The following ITFG1 variants were observed in gnomAD, a reference collection of about 807,000 sequenced individuals.
The protein encoded by ITFG1 is T-cell immunomodulatory protein.
In ITFG1, 34 loss-of-function variants were observed where a neutral mutation model predicts 81.8. That is an observed-to-expected ratio of 0.42 (90% confidence interval 0.32 to 0.55). The LOEUF is 0.55. Among genes scored for constraint, ITFG1 ranks in the 20% least tolerant of loss-of-function variants. ITFG1 has a pLI of 0.17. For synonymous variants in ITFG1, 285 were observed against 270.6 expected, an observed-to-expected ratio of 1.05 and a Z score of -0.52; for missense variants, 672 against 755.4, an observed-to-expected ratio of 0.89 and a Z score of 1.29.
upstream of ITFG1, chr16:47,461,114 C>G (rs371750457): frequency 1.4e-6 from 2 of 1,404,212 alleles, no homozygotes. Flanking sequence ...CACCGCGTTA[C>G]CGGCCGAGAG....
At position 47,201,884 on chromosome 16, in the gene ITFG1, T is replaced by C. The variant is rs192329283; in HGVS notation, c.1453+16984A>G. 2.5e-4 allele frequency among the ~76,000 whole-genome samples: 38 copies of C among 152,324 alleles called. No individual in the cohort carries two copies. In the East Asian group the frequency reaches 7.3e-3, roughly 29 times the overall value. ...GGTCTGGCACAATACCATATATAAA[T>C]AGATTTTCCTATTAAATTTATCATC... On this transcript the variant is annotated intron_variant, in intron 14 of 17. Coordinates refer to ENST00000320640, the MANE Select transcript of ITFG1 (RefSeq NM_030790.5).
At chr16:47,403,390 A>G (rs1371033147) in intron 6 of ITFG1, among the ~76,000 whole-genome samples, 1 of 152,142 alleles carries the variant, frequency 6.6e-6, no homozygotes, top group Non-Finnish European at 1.5e-5. Context: ...GGACTCTTCA[A>G]AAAGTCATTT....
At chr16:47,335,796 C>A (rs912111247) in intron 8 of ITFG1, among the ~76,000 whole-genome samples, 1 of 152,066 alleles carries the variant, frequency 6.6e-6, no homozygotes, top group African/African-American at 2.4e-5. Context: ...ATATGGATAG[C>A]CACTTTGGAA....
At chr16:47,366,942 A>G (rs1200949573) in intron 7 of ITFG1, among the ~76,000 whole-genome samples, 1 of 152,126 alleles carries the variant, frequency 6.6e-6, no homozygotes, top group Non-Finnish European at 1.5e-5. Flanking sequence ...TGCAGTGGAT[A>G]CTACCTGGCT....
Position 47,158,917 on chromosome 16 carries a change from C to G in ITFG1, c.1735G>C (p.Val579Leu). Residue 579 changes from valine (V) to leucine (L), a missense_variant, in exon 17 of 18, where the codon GTT (valine) becomes CTT (leucine). Physicochemically the swap from Val to Leu is conservative, Grantham distance 32. This residue lies in a region of ITFG1 where 65 missense variants were observed against 103.3 expected (regional missense o/e 0.63). Transcript: ENST00000320640. ...LTAIALIGVC[V>L]FILAIIGILH... ...ATGCCAATTATTGCCAAGATGAAAACACAGACACCGATGAGAGCTATAGCA... is the reference window on the plus strand; with the variant it reads ...ATGCCAATTATTGCCAAGATGAAAAGACAGACACCGATGAGAGCTATAGCA... 1.2e-6 allele frequency: 2 copies of G among 1,605,074 alleles called. No homozygotes were observed. Among genetic ancestry groups the G allele is most frequent in the Non-Finnish European group, 1.7e-6 (2 of 1,175,316 alleles).
intron 8 of ITFG1, among the ~76,000 whole-genome samples, chr16:47,341,262 A>C (rs1052425014): frequency 6.6e-6 from 1 of 150,992 alleles, no homozygotes; most frequent in African/African-American, 2.4e-5. Flanking sequence ...GTAAAAAATA[A>C]ATAAATAAAT....
chr16:47,351,826 A>C (rs1039867590), intron 8 of ITFG1, among the ~76,000 whole-genome samples: 2 of 152,242 alleles, frequency 1.3e-5, no homozygotes, highest in Non-Finnish European at 2.9e-5. Flanking sequence ...ACAAGGCTAC[A>C]GTAACCACAA....
chr16:47,335,787 T>A (rs1228187094), intron 8 of ITFG1, among the ~76,000 whole-genome samples: 2 of 152,176 alleles, frequency 1.3e-5, no homozygotes, highest in East Asian at 1.9e-4. Context: ...GTAGTAACAA[T>A]ATGGATAGCC....
rs180868167 is a variant in ITFG1, at chr16:47,374,514, C to T, written c.720+1362G>A. On this transcript the variant is annotated intron_variant, in intron 7 of 17. Transcript: ENST00000320640. ...TACTTATTTATAATGAGGCTTCCCC[C>T]GACCCTCAGATACAAGTTAATCAAA... Among the ~76,000 whole-genome samples, 64 of 152,142 alleles carry T rather than the reference C, an allele frequency of 4.2e-4. No homozygotes were observed. The East Asian group carries it at 0.011, about 26-fold the overall frequency.
intron 8 of ITFG1, among the ~76,000 whole-genome samples, chr16:47,326,931 A>C (rs1056489965): frequency 2.6e-5 from 4 of 152,188 alleles, no homozygotes; most frequent in African/African-American, 9.7e-5. Context: ...TGCCATCCCC[A>C]TCAAGCTACC....
chr16:47,421,982 T>C (rs890526513), intron 6 of ITFG1, among the ~76,000 whole-genome samples: 4 of 152,220 alleles, frequency 2.6e-5, no homozygotes, highest in African/African-American at 9.6e-5. Context: ...TCCAGCTTCA[T>C]CCATGTCCCT....
At chr16:47,303,125 G>C (rs1967102655) in intron 10 of ITFG1, among the ~76,000 whole-genome samples, 2 of 151,996 alleles carry the variant, frequency 1.3e-5, no homozygotes, top group South Asian at 4.1e-4. Flanking sequence ...CAAAAAATTA[G>C]CCAGGAATGG....
chr16:47,394,700 C>T (rs950194749), intron 6 of ITFG1, among the ~76,000 whole-genome samples: 7 of 151,704 alleles, frequency 4.6e-5, no homozygotes, highest in Non-Finnish European at 7.4e-5. Context: ...TACATAATTT[C>T]AGTTCATTTT....
intron 5 of ITFG1, among the ~76,000 whole-genome samples, chr16:47,439,687 A>G (rs1043227340): frequency 2.6e-5 from 4 of 152,228 alleles, no homozygotes; most frequent in South Asian, 4.1e-4. Context: ...TGAAGGAAGC[A>G]CTAAACATGG....
intron 12 of ITFG1, among the ~76,000 whole-genome samples, chr16:47,242,223 G>A (rs576332557): frequency 6.6e-6 from 1 of 151,538 alleles, no homozygotes; most frequent in Non-Finnish European, 1.5e-5. Flanking sequence ...ACAGTATAAA[G>A]AGATACTATT....
At chr16:47,441,778 G>T (rs868267564) in intron 5 of ITFG1, among the ~76,000 whole-genome samples, 70 of 152,244 alleles carry the variant, frequency 4.6e-4, no homozygotes, top group African/African-American at 1.5e-3. Context: ...ACAAGACAGG[G>T]ATGCCCTCTC....
chr16:47,293,255 T>C (rs1966935679), intron 10 of ITFG1, among the ~76,000 whole-genome samples: 1 of 148,152 alleles, frequency 6.7e-6, no homozygotes, highest in Non-Finnish European at 1.5e-5. Context: ...TGCAGTCATC[T>C]GTTTATGAAC....
intron 14 of ITFG1, among the ~76,000 whole-genome samples, chr16:47,168,037 A>T (rs1964915105): frequency 1.3e-5 from 2 of 152,158 alleles, no homozygotes; most frequent in Non-Finnish European, 2.9e-5. Context: ...ACCATTTTAC[A>T]TTCCCACCAG....
Position 47,452,801 on chromosome 16 carries a change from GATATAT to G in ITFG1, c.428-17_428-12del, listed in dbSNP as rs144553201. 311 of 1,383,510 alleles carry G rather than the reference GATATAT, an allele frequency of 2.2e-4. No homozygotes were observed. Among genetic ancestry groups the G allele is most frequent in the Non-Finnish European group, 2.9e-4 (292 of 1,001,942 alleles). The allele number at this position is 1,383,510 out of a possible 1,614,324, so 85.7% of individuals were successfully genotyped here. On this transcript the variant is annotated splice_polypyrimidine_tract_variant and intron_variant, in intron 3 of 17. Transcript: ENST00000320640. The stretch of plus-strand genomic sequence containing the variant: ...TCATATTGTTAGGATCTGCAAAAAA[GATATAT>G]ATATATATGAATTAGCAGGCATTTT...
Sources: allele counts gnomAD v4.1 joint callset (sites outside exome capture counted in the v4.1 genomes callset), GRCh38; gene constraint gnomAD v4.1.1; regional missense constraint gnomAD v4.1.1; transcripts MANE v1.5; gene names NCBI Gene and HGNC (gene_info 2026-07-23, HGNC 2026-07-21).